Variants in OSBPL10 observed in about 807,000 individuals in gnomAD.
The protein encoded by OSBPL10 is oxysterol binding protein like 10, also known as oxysterol-binding protein-related protein 10.
OSBPL10 carries 49 observed loss-of-function variants against 81.7 expected under a neutral mutation model. The ratio of observed to expected loss-of-function variants is 0.60; its 90% CI spans 0.48 to 0.76. The LOEUF (loss-of-function observed/expected upper bound fraction) is 0.76. Among genes scored for constraint, OSBPL10 ranks in the 30% least tolerant of loss-of-function variants. The pLI, the probability that OSBPL10 is intolerant of heterozygous loss-of-function variation, is 0.00. For synonymous variants in OSBPL10, 419 were observed against 383.6 expected, an observed-to-expected ratio of 1.09 and a Z score of -1.08; for missense variants, 923 against 987.8, an observed-to-expected ratio of 0.93 and a Z score of 0.88.
At chr3:31,849,135 A>G (rs138269839) in intron 3 of OSBPL10, among the ~76,000 whole-genome samples, 37 of 152,320 alleles carry the variant, frequency 2.4e-4, no homozygotes, top group Admixed American at 7.8e-4. Flanking sequence ...TGTGAACAGA[A>G]CCAGCCATCA....
intron 1 of OSBPL10, among the ~76,000 whole-genome samples, chr3:31,937,276 C>T (rs1381469078): frequency 7.0e-6 from 1 of 142,302 alleles, no homozygotes; most frequent in Non-Finnish European, 1.5e-5. Flanking sequence ...GACACTCAGG[C>T]TCAAAAAAAA....
In OSBPL10 at chr3:31,742,452, GTTC is replaced by G. The variant is rs542783252; in HGVS notation, c.940+5455_940+5457del. Among the ~76,000 whole-genome samples, 357 of 152,274 alleles carry G rather than the reference GTTC, an allele frequency of 2.3e-3. 6 individuals carry two copies. The highest frequency in any genetic ancestry group is 0.019 in the Admixed American group (296 of 15,302). ...GGAAAGTATATTAAATTCTGCTCTG[GTTC>G]TTCTTCTCTCAAATCTATTCTCTTG... is the stretch of plus-strand genomic sequence containing the variant. On this transcript the variant is annotated intron_variant, in intron 5 of 11. Transcript: ENST00000396556.
chr3:31,928,762 C>CCAAAAAAAAAAAAAA (rs768296819), intron 1 of OSBPL10, among the ~76,000 whole-genome samples: 2 of 95,064 alleles, frequency 2.1e-5, no homozygotes, highest in African/African-American at 6.5e-5. Context: ...GACTTGTCTC[C>CCAAAAAAAAAAAAAA]AAAAAAAAAA....
rs147832910 is a variant in OSBPL10 at position 31,914,927 on chromosome 3, G to A, written c.282-35097C>T. Among the ~76,000 whole-genome samples the A allele has an allele frequency of 2.1e-3, 327 of 152,154 alleles. 1 individual carries two copies. Among genetic ancestry groups the A allele is most frequent in the Middle Eastern group, 0.014 (4 of 292 alleles). On this transcript the variant is annotated intron_variant, in intron 1 of 11. Coordinates refer to ENST00000396556, the MANE Select transcript of OSBPL10 (RefSeq NM_017784.5). ...TTACACTAGAGTATAAGCTCCCTGT[G>A]TTTACGGGGATGTGTCTATTGTGTT...
At chr3:31,970,214 C>T (rs1485475078) in intron 1 of OSBPL10, among the ~76,000 whole-genome samples, 1 of 152,134 alleles carries the variant, frequency 6.6e-6, no homozygotes, top group Non-Finnish European at 1.5e-5. Flanking sequence ...TCGGGGCTTG[C>T]AAAAGAAGCA....
chr3:31,955,994 G>T lies in OSBPL10; in HGVS notation c.281+24905C>A, dbSNP rs896742475. 2.0e-5 allele frequency among the ~76,000 whole-genome samples: 3 copies of T among 152,168 alleles called. No homozygotes were observed. In the South Asian group the frequency reaches 6.2e-4, roughly 32 times the overall value. On this transcript the variant is annotated intron_variant, in intron 1 of 11. Transcript: ENST00000396556. Reference sequence around the variant, plus strand: ...TGTCACCAGCCCTAAGGCAGAAGTGGGTTATATCCATGCTATAGATGGGAA... The same window carrying T: ...TGTCACCAGCCCTAAGGCAGAAGTGTGTTATATCCATGCTATAGATGGGAA...
intron 8 of OSBPL10, among the ~76,000 whole-genome samples, chr3:31,674,575 T>C (rs1036095242): frequency 7.0e-6 from 1 of 142,182 alleles, no homozygotes; most frequent in Non-Finnish European, 1.5e-5. Flanking sequence ...GATAGACAGA[T>C]AGATAGATTA....
chr3:31,697,588 T>TTAA (rs1425084921), intron 7 of OSBPL10, among the ~76,000 whole-genome samples: 1 of 152,192 alleles, frequency 6.6e-6, no homozygotes, highest in Non-Finnish European at 1.5e-5. Flanking sequence ...CGAATAGCAA[T>TTAA]TAATAATAAT....
intron 2 of OSBPL10, among the ~76,000 whole-genome samples, chr3:31,992,723 G>C (rs113942298): frequency 6.6e-6 from 1 of 152,210 alleles, no homozygotes; most frequent in African/African-American, 2.4e-5. Context: ...GCCAGGCATG[G>C]TGACTCATGC....
intron 1 of OSBPL10, among the ~76,000 whole-genome samples, chr3:31,905,129 TA>T (rs1181441662): frequency 2.6e-5 from 4 of 152,108 alleles, no homozygotes; most frequent in Non-Finnish European, 4.4e-5. Context: ...ATTAATAACA[TA>T]AATGAAGGAA....
At chr3:31,780,796 G>A (rs1221244606) in intron 4 of OSBPL10, among the ~76,000 whole-genome samples, 1 of 152,058 alleles carries the variant, frequency 6.6e-6, no homozygotes, top group Non-Finnish European at 1.5e-5. Context: ...ATAACAAGTA[G>A]TGAGATTGAA....
At chr3:31,891,472 A>G (rs1355364047) in intron 1 of OSBPL10, among the ~76,000 whole-genome samples, 2 of 152,184 alleles carry the variant, frequency 1.3e-5, no homozygotes, top group African/African-American at 4.8e-5. Flanking sequence ...CAAAAACAAA[A>G]AGCTGGCTAA....
intron 5 of OSBPL10, among the ~76,000 whole-genome samples, chr3:31,746,294 G>A (rs1164816867): frequency 3.9e-5 from 6 of 152,174 alleles, no homozygotes; most frequent in African/African-American, 1.4e-4. Context: ...GGGGCACAGA[G>A]CTGGAGGCAA....
In OSBPL10 at chr3:31,912,373, C is replaced by T. The variant is rs553151988; in HGVS notation, c.282-32543G>A. Reference sequence around the variant, plus strand: ...TTGCGCCACTGCACTCCAGCCTGGGCGACAGGGCGAGACTCTGTCTCGGAA... The same window carrying T: ...TTGCGCCACTGCACTCCAGCCTGGGTGACAGGGCGAGACTCTGTCTCGGAA... On this transcript the variant is annotated intron_variant, in intron 1 of 11. Transcript: ENST00000396556. Among the ~76,000 whole-genome samples the T allele has an allele frequency of 2.0e-4, 29 of 142,218 alleles. No individual in the cohort carries two copies. The East Asian group carries it at 3.9e-3, about 19-fold the overall frequency. The allele number at this position is 142,218 out of a possible 152,430, so 93.3% of individuals were successfully genotyped here. A position where few individuals can be genotyped will look rare whatever the true frequency, so the allele number is the denominator to read the frequency against.
intron 6 of OSBPL10, among the ~76,000 whole-genome samples, chr3:31,715,082 T>TC (rs1696391859): frequency 6.8e-6 from 1 of 147,570 alleles, no homozygotes. Flanking sequence ...ATACTTCCCC[T>TC]CCCCTCCTAA....
intron 1 of OSBPL10, among the ~76,000 whole-genome samples, chr3:31,959,746 G>T (rs1243015571): frequency 6.6e-6 from 1 of 152,146 alleles, no homozygotes; most frequent in Non-Finnish European, 1.5e-5. Flanking sequence ...GTGTAACTTT[G>T]AATTAAATGT....
intron 8 of OSBPL10, among the ~76,000 whole-genome samples, chr3:31,674,380 C>T (rs1203400349): frequency 1.3e-5 from 2 of 151,850 alleles, no homozygotes; most frequent in Non-Finnish European, 2.9e-5. Context: ...ATGACGAAGC[C>T]TCATTTCTAT....
At chr3:31,820,078 T>C (rs931972191) in intron 4 of OSBPL10, among the ~76,000 whole-genome samples, 14 of 152,182 alleles carry the variant, frequency 9.2e-5, no homozygotes. Context: ...ACACCTCTCT[T>C]TGCCTTAACC....
At chr3:31,897,209 A>G (rs1696084586) in intron 1 of OSBPL10, among the ~76,000 whole-genome samples, 1 of 152,188 alleles carries the variant, frequency 6.6e-6, no homozygotes, top group African/African-American at 2.4e-5. Flanking sequence ...AAATGCAAGT[A>G]GAAACGAGCA....
Sources: gnomAD v4.1 joint callset for allele counts (sites outside exome capture counted in the v4.1 genomes callset) on GRCh38, gnomAD v4.1.1 for gene constraint, MANE v1.5 for transcripts, NCBI Gene and HGNC (gene_info 2026-07-23, HGNC 2026-07-21) for gene names.